The following STX12 variants were observed in gnomAD, a reference collection of about 807,000 sequenced individuals.
STX12 encodes the protein syntaxin-12.
In STX12, 17 loss-of-function variants were observed where a neutral mutation model predicts 42.2. That is an observed-to-expected ratio of 0.40 (90% confidence interval 0.28 to 0.60). STX12 has a LOEUF of 0.60. Ranked by LOEUF, STX12 falls within the 20% of genes least tolerant of loss-of-function variation. The probability of loss-of-function intolerance (pLI) is 0.39; values close to 1 mark genes in which losing one functional copy is unlikely to be tolerated. For missense variants in STX12, 297 were observed against 330.9 expected (o/e 0.90, Z 0.79); for synonymous variants, 108 against 116.7 (o/e 0.93, Z 0.48).
At chr1:27,794,317 T>C (rs950911470) in intron 3 of STX12, among the ~76,000 whole-genome samples, 6 of 152,126 alleles carry the variant, frequency 3.9e-5, no homozygotes, top group Admixed American at 3.9e-4. Flanking sequence ...GTGAGCCCCA[T>C]GCCCAGGGTT....
chr1:27,821,959 A>G (rs1020093256), intron 8 of STX12, among the ~76,000 whole-genome samples: 1 of 152,146 alleles, frequency 6.6e-6, no homozygotes, highest in South Asian at 2.1e-4. Context: ...TGGAGGTTTC[A>G]GTTAGCCAAG....
intron 4 of STX12, among the ~76,000 whole-genome samples, chr1:27,807,260 C>T (rs1046782550): frequency 4.6e-5 from 7 of 152,024 alleles, no homozygotes; most frequent in South Asian, 4.1e-4. Context: ...TTATTATTGA[C>T]GATAGTCACC....
chr1:27,811,307 C>CA (rs1158641374), intron 5 of STX12, among the ~76,000 whole-genome samples: 5,665 of 47,862 alleles, frequency 0.12, 421 homozygotes, highest in East Asian at 0.37. Flanking sequence ...AACTCCGTCT[C>CA]AAAAAAAAAA....
intron 6 of STX12, among the ~76,000 whole-genome samples, chr1:27,813,443 T>C (rs1045507525): frequency 1.3e-5 from 2 of 152,214 alleles, no homozygotes; most frequent in African/African-American, 4.8e-5. Flanking sequence ...CCCAAAGTGC[T>C]GGGATTACTG....
At chr1:27,782,166 GGTACC>G (rs2088671575) in intron 1 of STX12, among the ~76,000 whole-genome samples, 1 of 152,112 alleles carries the variant, frequency 6.6e-6, no homozygotes, top group South Asian at 2.1e-4. Flanking sequence ...GTAGTACAGT[GGTACC>G]GTCATAGGTC....
chr1:27,790,267 G>C (rs1345984350), intron 2 of STX12, among the ~76,000 whole-genome samples: 3 of 152,160 alleles, frequency 2.0e-5, no homozygotes, highest in Non-Finnish European at 4.4e-5. Flanking sequence ...GCTCTTTAAG[G>C]TGGTGCGGAC....
chr1:27,820,983 A>G (rs993743388), intron 8 of STX12, among the ~76,000 whole-genome samples: 4 of 140,518 alleles, frequency 2.8e-5, no homozygotes, highest in Non-Finnish European at 6.1e-5. Flanking sequence ...ATGAGAACAC[A>G]TGGACACAGG....
intron 3 of STX12, among the ~76,000 whole-genome samples, chr1:27,801,290 C>G (rs1046589603): frequency 2.0e-5 from 3 of 152,080 alleles, no homozygotes; most frequent in Non-Finnish European, 4.4e-5. Context: ...GTAATCCCAG[C>G]TCCTCAGGAG....
chr1:27,792,044 A>G (rs1357399039), intron 2 of STX12, among the ~76,000 whole-genome samples: 1 of 144,284 alleles, frequency 6.9e-6, no homozygotes, highest in Non-Finnish European at 1.5e-5. Context: ...TAAATATAGT[A>G]TATAAATATA....
chr1:27,800,430 G>A (rs557250062), intron 3 of STX12, among the ~76,000 whole-genome samples: 2 of 151,972 alleles, frequency 1.3e-5, no homozygotes, highest in African/African-American at 4.8e-5. Flanking sequence ...AGCTGTTTGA[G>A]GTCAGGGGTG....
intron 1 of STX12, among the ~76,000 whole-genome samples, chr1:27,784,143 G>A (rs1383209074): frequency 2.0e-5 from 3 of 151,814 alleles, no homozygotes; most frequent in African/African-American, 7.3e-5. Flanking sequence ...TCACACCATT[G>A]CACTCCAGCC....
At chr1:27,814,402 A>G (rs1308351789) in intron 6 of STX12, among the ~76,000 whole-genome samples, 1 of 140,478 alleles carries the variant, frequency 7.1e-6, no homozygotes, top group African/African-American at 2.9e-5. Flanking sequence ...TGTAACATGT[A>G]CCTGTGGTCC....
intron 3 of STX12, among the ~76,000 whole-genome samples, chr1:27,798,060 T>C (rs151330177): frequency 2.4e-4 from 36 of 152,312 alleles, no homozygotes; most frequent in African/African-American, 8.4e-4. Context: ...TATAGGTCAT[T>C]GTATAGATAA....
intron 3 of STX12, among the ~76,000 whole-genome samples, chr1:27,800,493 GT>G (rs1553182318): frequency 6.0e-5 from 2 of 33,594 alleles, no homozygotes; most frequent in Admixed American, 3.6e-4. Context: ...TATGTGGTGT[GT>G]GTGTGTGTGT....
chr1:27,792,140 ATATCTATATATGTG>A lies in STX12; in HGVS notation c.189-1379_189-1366del, dbSNP rs568156919. Among the ~76,000 whole-genome samples the A allele has an allele frequency of 5.1e-3, 577 of 112,318 alleles. 28 individuals are homozygous for A. Among genetic ancestry groups the A allele is most frequent in the African/African-American group, 0.029 (456 of 15,742 alleles). The allele number at this position is 112,318 out of a possible 152,430, so 73.7% of individuals were successfully genotyped here. A position where few individuals can be genotyped will look rare whatever the true frequency, so the allele number is the denominator to read the frequency against. ...ATATAATATATATCTATATATGTAT[ATATCTATATATGTG>A]TATCTATATATGTATATACATATAT... On this transcript the variant is annotated intron_variant, in intron 2 of 8. Transcript: ENST00000373943.
intron 3 of STX12, among the ~76,000 whole-genome samples, chr1:27,800,348 C>T (rs114855850): frequency 0.017 from 2,573 of 152,248 alleles, 40 homozygotes; most frequent in Middle Eastern, 0.041. Context: ...TCCTGTAGTA[C>T]CAATTGGATA....
chr1:27,793,788 A>G (rs887814846), intron 3 of STX12, among the ~76,000 whole-genome samples, 156 bp downstream of exon 3: 1 of 152,076 alleles, frequency 6.6e-6, no homozygotes, highest in African/African-American at 2.4e-5. Context: ...GGGATATGTG[A>G]CTGTTGGGGC....
At position 27,793,518 on chromosome 1, in the gene STX12, T is replaced by A. The variant is rs769299337; in HGVS notation, c.189-15T>A. 6.2e-7 allele frequency: 1 copy of A among 1,609,926 alleles called. No homozygotes were observed. The highest frequency in any genetic ancestry group is 8.5e-7 in the Non-Finnish European group (1 of 1,176,286). Reference sequence around the variant, plus strand: ...AGAAGTGACAACATCCTGAAACATATCTTTTCTCTCTTAGGCAACAGTTAC... The same window carrying A: ...AGAAGTGACAACATCCTGAAACATAACTTTTCTCTCTTAGGCAACAGTTAC... On this transcript the variant is annotated splice_polypyrimidine_tract_variant and intron_variant, in intron 2 of 8. Coordinates refer to ENST00000373943, the MANE Select transcript of STX12 (RefSeq NM_177424.3).
chr1:27,822,208 T>C (rs757695681), intron 8 of STX12, 23 bp from the exon 9 acceptor site: 1 of 1,441,136 alleles, frequency 6.9e-7, no homozygotes, highest in South Asian at 1.1e-5. Context: ...ATGAGTATCT[T>C]GTTTACATAT....
Sources: gnomAD v4.1 joint callset for allele counts (sites outside exome capture counted in the v4.1 genomes callset) on GRCh38, gnomAD v4.1.1 for gene constraint, MANE v1.5 for transcripts, NCBI Gene and HGNC (gene_info 2026-07-23, HGNC 2026-07-21) for gene names.